Variants in MYO16 observed in about 807,000 individuals in gnomAD.
MYO16 encodes the protein unconventional myosin-XVI.
Under a neutral mutation model 205.3 loss-of-function variants are expected in MYO16, and 94 were observed. The ratio of observed to expected loss-of-function variants is 0.46; its 90% CI spans 0.39 to 0.54. MYO16 has a LOEUF of 0.54. MYO16 is among the 20% of genes least tolerant of loss of function. The pLI is 0.00. For synonymous variants in MYO16, 988 were observed against 954.0 expected (o/e 1.04, Z -0.66); for missense variants, 2,315 against 2,387.5 (o/e 0.97, Z 0.63).
the MYO16 span, among the ~76,000 whole-genome samples, chr13:108,573,381 A>T: frequency 6.6e-6 from 1 of 152,228 alleles, no homozygotes; most frequent in Non-Finnish European, 1.5e-5. Context: ...ATAAAATTTT[A>T]AAAATGTAGG....
intron 27 of MYO16, among the ~76,000 whole-genome samples, chr13:109,060,003 T>C (rs564456275): frequency 1.0e-3 from 157 of 152,202 alleles, no homozygotes; most frequent in African/African-American, 3.8e-3. Flanking sequence ...CTGGAGAGGA[T>C]GTGGAGAAAT....
chr13:109,144,632 A>G (rs1317655810), intron 32 of MYO16, among the ~76,000 whole-genome samples: 1 of 152,184 alleles, frequency 6.6e-6, no homozygotes, highest in African/African-American at 2.4e-5. Flanking sequence ...TTCACCGTGA[A>G]ATAGCTTTCT....
intron 10 of MYO16, among the ~76,000 whole-genome samples, chr13:108,854,509 A>G (rs1309703531): frequency 1.3e-5 from 2 of 152,218 alleles, no homozygotes; most frequent in Non-Finnish European, 2.9e-5. Context: ...ACAATGGCAT[A>G]TGCTGTTAAT....
Position 109,055,410 on chromosome 13 carries a change from T to G in MYO16, c.3150T>G (p.Ile1050Met). 1 of 1,612,140 alleles carries G rather than the reference T, an allele frequency of 6.2e-7. No homozygotes were observed. The highest frequency in any genetic ancestry group is 8.5e-7 in the Non-Finnish European group (1 of 1,178,904). The change falls in exon 27 of 35, where the codon ATT (isoleucine) becomes ATG (methionine). Residue 1050 changes from isoleucine to methionine, a missense_variant. This residue lies in a region of MYO16 where 1,213 missense variants were observed against 1,274.4 expected (regional missense o/e 0.95). Coordinates refer to ENST00000457511, the MANE Select transcript of MYO16 (RefSeq NM_001198950.3). The surrounding 1 kb of genome is among the most constrained non-coding windows in gnomAD (Gnocchi z 5.0). The part of the protein sequence containing the change: ...SQLRKSLMDI[I>M]GKLQKCTPHF... Reference sequence around the variant, plus strand: ...CTTAGAAATCACTAATGGATATTATTGGAAAACTTCAGAAGTGCACTCCAC... The same window carrying G: ...CTTAGAAATCACTAATGGATATTATGGGAAAACTTCAGAAGTGCACTCCAC...
chr13:108,712,807 C>T (rs148219475), intron 3 of MYO16, 76 bp downstream of exon 3: 46 of 1,082,622 alleles, frequency 4.2e-5, no homozygotes, highest in East Asian at 1.8e-4. Context: ...AACCCAGGAA[C>T]GAAATGTACA....
intron 34 of MYO16, 21 bp from the exon 35 acceptor site, chr13:109,206,588 C>T (rs1392750892): frequency 3.8e-6 from 6 of 1,576,454 alleles, no homozygotes; most frequent in Admixed American, 1.7e-5. Context: ...CCTGTTTTTT[C>T]TGCCCCTCTT....
intron 1 of MYO16, among the ~76,000 whole-genome samples, chr13:108,617,754 A>G (rs1232309370): frequency 6.6e-6 from 1 of 152,192 alleles, no homozygotes; most frequent in Non-Finnish European, 1.5e-5. Flanking sequence ...TGCACACATA[A>G]CAAGGGATGG....
At position 108,962,463 on chromosome 13, in the gene MYO16, C is replaced by A; in HGVS notation, c.2195C>A (p.Ser732Tyr). 6.3e-7 allele frequency: 1 copy of A among 1,597,674 alleles called. No homozygotes were observed. Among genetic ancestry groups the A allele is most frequent in the African/African-American group, 1.4e-5 (1 of 74,018 alleles). Residue 732 changes from serine (S) to tyrosine (Y), a missense_variant, in exon 19 of 35, where the codon TCT becomes TAT. Ser to Tyr is a moderately radical substitution (Grantham distance 144). Around this residue, in one of 3 missense-constraint regions of MYO16, gnomAD observed 1,213 missense variants for 1,274.4 expected, o/e 0.95. Transcript: ENST00000457511. ...MLQVSTDELA[S>Y]ALTTDIQYFK... is the part of the protein sequence containing the mutation. ...CAAGTATCAACAGATGAATTGGCAT[C>A]TGCCTTAACAACTGATATTCAATAT... is the stretch of plus-strand genomic sequence containing the variant.
intron 2 of MYO16, among the ~76,000 whole-genome samples, chr13:108,700,295 G>T (rs2139516887): frequency 6.9e-6 from 1 of 145,038 alleles, no homozygotes; most frequent in South Asian, 2.2e-4. Flanking sequence ...TTGAGCCATT[G>T]CACTGCAGCT....
At chr13:108,656,476 G>T (rs1254881585) in intron 1 of MYO16, among the ~76,000 whole-genome samples, 1 of 152,070 alleles carries the variant, frequency 6.6e-6, no homozygotes, top group East Asian at 1.9e-4. Flanking sequence ...AGGTCAGCGG[G>T]GGATGGGTAA....
At chr13:109,198,327 C>T (rs9515008) in intron 34 of MYO16, among the ~76,000 whole-genome samples, 38,959 of 151,920 alleles carry the variant, frequency 0.26, 5,434 homozygotes, top group East Asian at 0.54. Context: ...AAAATACAAA[C>T]CCTAACTTCA....
chr13:108,789,170 T>C (rs566466882), intron 5 of MYO16, among the ~76,000 whole-genome samples: 4 of 152,362 alleles, frequency 2.6e-5, no homozygotes, highest in African/African-American at 7.2e-5. Flanking sequence ...TATTGTCCTT[T>C]CACTGTGTGT....
chr13:108,756,160 C>T (rs926374807), intron 4 of MYO16, among the ~76,000 whole-genome samples: 2 of 152,082 alleles, frequency 1.3e-5, no homozygotes, highest in South Asian at 2.1e-4. Context: ...ACACTGTTCA[C>T]ATTTTTAAAG....
chr13:109,150,258 C>T (rs539964336), intron 32 of MYO16, among the ~76,000 whole-genome samples: 3 of 152,108 alleles, frequency 2.0e-5, no homozygotes, highest in Non-Finnish European at 2.9e-5. Context: ...ATTATGTGTA[C>T]GTAGAAACCG....
At chr13:108,772,864 A>T (rs887745654) in intron 4 of MYO16, among the ~76,000 whole-genome samples, 1 of 152,296 alleles carries the variant, frequency 6.6e-6, no homozygotes, top group South Asian at 2.1e-4. Context: ...GAGCATGAAC[A>T]AAAATAGGGG....
upstream of MYO16, among the ~76,000 whole-genome samples, chr13:108,594,647 G>T (rs1362037293): frequency 6.6e-6 from 1 of 152,168 alleles, no homozygotes; most frequent in Non-Finnish European, 1.5e-5. Flanking sequence ...CTTCGGTGCT[G>T]GATAATTTCA....
chr13:108,972,249 C>CTATATATATA (rs1158879237), intron 20 of MYO16, among the ~76,000 whole-genome samples: 45 of 2,844 alleles, frequency 0.016, 4 homozygotes, highest in East Asian at 0.03. Flanking sequence ...CTCTCTCTCT[C>CTATATATATA]TATATATATA....
chr13:109,072,123 G>A (rs1433721782), intron 27 of MYO16, among the ~76,000 whole-genome samples: 1 of 152,140 alleles, frequency 6.6e-6, no homozygotes, highest in African/African-American at 2.4e-5. Flanking sequence ...CAGCTTCTGT[G>A]CTCTAGCTGT....
rs115378284 is a variant in MYO16 at position 109,096,398 on chromosome 13, G to A, written c.3336-4387G>A. Among the ~76,000 whole-genome samples, 973 of 152,188 alleles carry A rather than the reference G, an allele frequency of 6.4e-3. 9 individuals are homozygous for A. Among genetic ancestry groups the A allele is most frequent in the African/African-American group, 0.022 (909 of 41,504 alleles). On this transcript the variant is annotated intron_variant, in intron 27 of 34. Transcript: ENST00000457511. Reference sequence around the variant, plus strand: ...GATTAGGCCCTACCCTAATGATCTCGCCTTAACTTGAGTACTCTCCAAAGA... The same window carrying A: ...GATTAGGCCCTACCCTAATGATCTCACCTTAACTTGAGTACTCTCCAAAGA...
Sources: gnomAD v4.1 joint callset for allele counts (sites outside exome capture counted in the v4.1 genomes callset) on GRCh38, gnomAD v4.1.1 for gene constraint, gnomAD v4.1.1 regional missense constraint, Gnocchi (gnomAD v3.1) non-coding constraint, MANE v1.5 for transcripts, NCBI Gene and HGNC (gene_info 2026-07-23, HGNC 2026-07-21) for gene names.